Variants in AMZ1 observed in about 807,000 individuals in gnomAD.
AMZ1 encodes the protein archaelysin family metallopeptidase 1.
AMZ1 carries 39 observed loss-of-function variants against 29.9 expected under a neutral mutation model. The observed-to-expected ratio is 1.30, with a 90% CI of 1.01 to 1.70. The LOEUF (loss-of-function observed/expected upper bound fraction) is 1.70. Among genes scored for constraint, AMZ1 ranks in the 40% most tolerant of loss-of-function variants. The probability of loss-of-function intolerance (pLI) is 0.00; values close to 1 mark genes in which losing one functional copy is unlikely to be tolerated. For synonymous variants in AMZ1, 458 were observed against 304.0 expected (o/e 1.51, Z -5.27); for missense variants, 1,041 against 680.6 (o/e 1.53, Z -5.89).
chr7:2,702,874 C>A lies in AMZ1; in HGVS notation c.457C>A (p.Leu153Ile). 1 of 1,587,404 alleles carries A rather than the reference C, an allele frequency of 6.3e-7. No individual in the cohort carries two copies. The highest frequency in any genetic ancestry group is 8.5e-7 in the Non-Finnish European group (1 of 1,173,190). The change falls in exon 3 of 7, where the codon CTC becomes ATC. Residue 153 changes from leucine to isoleucine, a missense_variant. Physicochemically the swap from Leu to Ile is conservative, Grantham distance 5. Transcript: ENST00000683327. ...GCGGCCCAGCCGGGACTCTGACAGG[C>A]TCCAGCTCCACACAGGTGAGTGAGG... ...SSRPSRDSDR[L>I]QLHTDGILSF...
intron 4 of AMZ1, among the ~76,000 whole-genome samples, chr7:2,757,270 G>C (rs1287839469): frequency 0.021 from 1 of 48 alleles, no homozygotes; most frequent in African/African-American, 0.031. Flanking sequence ...CAAGTAGCTG[G>C]GACCGCAGCG....
intron 3 of AMZ1, among the ~76,000 whole-genome samples, chr7:2,704,264 A>T (rs1309898603): frequency 6.6e-6 from 1 of 152,184 alleles, no homozygotes; most frequent in Non-Finnish European, 1.5e-5. Flanking sequence ...GTACTTTGAG[A>T]GGCTGAGGTG....
chr7:2,742,257 C>G (rs1250659721), intron 4 of AMZ1, among the ~76,000 whole-genome samples: 1 of 152,072 alleles, frequency 6.6e-6, no homozygotes, highest in African/African-American at 2.4e-5. Context: ...CTTAAGTGAT[C>G]TGCCCGCCTC....
intron 4 of AMZ1, among the ~76,000 whole-genome samples, chr7:2,744,713 A>G (rs1790683230): frequency 6.6e-6 from 1 of 152,184 alleles, no homozygotes; most frequent in Admixed American, 6.5e-5. Flanking sequence ...AGACAATCAA[A>G]CTACTCTGAG....
chr7:2,760,350 CA>C (rs1354172967), upstream of AMZ1: 1 of 152,376 alleles, frequency 6.6e-6, no homozygotes, highest in East Asian at 1.9e-4. Flanking sequence ...ACCAGTACAC[CA>C]GGGGGACACC....
At chr7:2,750,164 G>C (rs1392408639) in intron 4 of AMZ1, among the ~76,000 whole-genome samples, 1 of 152,104 alleles carries the variant, frequency 6.6e-6, no homozygotes, top group Admixed American at 6.5e-5. Flanking sequence ...CATGTAAAGG[G>C]CCTGGAAGTC....
At position 2,712,382 on chromosome 7, in the gene AMZ1, C is replaced by G. The variant is rs368393238; in HGVS notation, c.1001C>G (p.Ala334Gly). ...AVVGTWPSQE[A>G]GEPSVWEDTP... ...GTGGGGACGTGGCCCAGCCAGGAGG[C>G]GGGGGAGCCGTCAGTGTGGGAGGAC... Residue 334 changes from alanine (A) to glycine (G), a missense_variant, in exon 7 of 7, where the codon GCG (alanine) becomes GGG (glycine). Physicochemically the swap from Ala to Gly is moderately conservative, Grantham distance 60. Transcript: ENST00000683327. 9 of 1,606,956 alleles carry G rather than the reference C, an allele frequency of 5.6e-6. No homozygotes were observed. The highest frequency in any genetic ancestry group is 7.6e-6 in the Non-Finnish European group (9 of 1,177,020).
chr7:2,696,413 C>G (rs545304646), intron 1 of AMZ1, among the ~76,000 whole-genome samples: 1 of 151,018 alleles, frequency 6.6e-6, no homozygotes, highest in East Asian at 2.0e-4. Flanking sequence ...CCCGCCACCA[C>G]GCCTGGCTAA....
chr7:2,738,767 T>C (rs1057195981), intron 4 of AMZ1, among the ~76,000 whole-genome samples: 16 of 152,228 alleles, frequency 1.1e-4, no homozygotes, highest in Admixed American at 5.9e-4. Flanking sequence ...TTAAAGCAAA[T>C]GAACCCAATA....
At chr7:2,691,011 T>C (rs112223694) in intron 1 of AMZ1, among the ~76,000 whole-genome samples, 12,466 of 151,122 alleles carry the variant, frequency 0.082, 588 homozygotes, top group South Asian at 0.095. Context: ...CATGGTGGCA[T>C]GCGTCTGTAG....
rs1787993412 is a variant in AMZ1, at chr7:2,700,581, C to T, written c.130C>T (p.Leu44=). 6.2e-7 allele frequency: 1 copy of T among 1,610,460 alleles called. No individual in the cohort carries two copies. Among genetic ancestry groups the T allele is most frequent in the Non-Finnish European group, 8.5e-7 (1 of 1,179,980 alleles). Residue 44 remains leucine, a synonymous_variant, in exon 2 of 7, where the codon CTG becomes TTG. Coordinates refer to ENST00000683327, the MANE Select transcript of AMZ1 (RefSeq NM_001384743.1). ...CTTCTCCCCTGCCGAGCGGCTCTTC[C>T]TGGCCGAGGCCTACAACCCGCAGAG... ...SAFSPAERLF[L]AEAYNPQRTL...
Position 2,726,107 on chromosome 7 carries a change from A to G in AMZ1, n.550+16291A>G, listed in dbSNP as rs543088318. 7.9e-5 allele frequency among the ~76,000 whole-genome samples: 12 copies of G among 152,362 alleles called. No homozygotes were observed. The East Asian group carries it at 2.3e-3, about 29-fold the overall frequency. On this transcript the variant is annotated intron_variant and non_coding_transcript_variant, in intron 4 of 4. Transcript: ENST00000489665. ...TGAATTTCAAGCAATCATTTCGGAA[A>G]GAGACTGCTAAGCACATGTGATGCA...
At chr7:2,733,672 A>C (rs1380077875) in intron 4 of AMZ1, among the ~76,000 whole-genome samples, 4 of 152,248 alleles carry the variant, frequency 2.6e-5, no homozygotes, top group Non-Finnish European at 4.4e-5. Context: ...AAAAACTACC[A>C]TTAAAGAAAA....
chr7:2,733,345 C>T (rs371683008), intron 4 of AMZ1: 63 of 856,980 alleles, frequency 7.4e-5, no homozygotes, highest in East Asian at 6.8e-4. Context: ...AGAACAAGCT[C>T]GGCCTGTCAG....
chr7:2,761,982 G>T (rs1001126306), upstream of AMZ1, among the ~76,000 whole-genome samples: 2 of 152,138 alleles, frequency 1.3e-5, no homozygotes, highest in African/African-American at 4.8e-5. Context: ...CAGCACCACA[G>T]CCTAACCTCA....
At chr7:2,748,397 C>G (rs1251041328) in intron 4 of AMZ1, among the ~76,000 whole-genome samples, 8 of 152,172 alleles carry the variant, frequency 5.3e-5, no homozygotes, top group Admixed American at 5.2e-4. Context: ...CTGACAGAAA[C>G]AAGCAATGGG....
chr7:2,724,270 C>G (rs1033257428), downstream of AMZ1, among the ~76,000 whole-genome samples: 17 of 152,236 alleles, frequency 1.1e-4, no homozygotes, highest in Non-Finnish European at 2.1e-4. Context: ...CCAGCTGGGG[C>G]TCACCAGCGC....
Position 2,753,952 on chromosome 7 carries a change from C to T in AMZ1, n.551-10760C>T, listed in dbSNP as rs369295805. Among the ~76,000 whole-genome samples, 33 of 152,206 alleles carry T rather than the reference C, an allele frequency of 2.2e-4. No homozygotes were observed. The East Asian group carries it at 2.7e-3, about 12-fold the overall frequency. On this transcript the variant is annotated intron_variant and non_coding_transcript_variant, in intron 4 of 4. Transcript: ENST00000489665. ...AATCCGACCACGAGCTCTGTAGGTC[C>T]GGCGGCGCATCTTAGGTGCTTTGTT...
chr7:2,692,555 TA>T (rs1217009948), intron 1 of AMZ1, among the ~76,000 whole-genome samples: 1 of 151,714 alleles, frequency 6.6e-6, no homozygotes, highest in Admixed American at 6.6e-5. Flanking sequence ...AAATAAAAAA[TA>T]AATAAAGAGG....
Sources: allele counts gnomAD v4.1 joint callset (sites outside exome capture counted in the v4.1 genomes callset), GRCh38; gene constraint gnomAD v4.1.1; transcripts MANE v1.5; gene names NCBI Gene and HGNC (gene_info 2026-07-23, HGNC 2026-07-21).